The following OTULINL variants were observed in gnomAD, a reference collection of about 807,000 sequenced individuals.
OTULINL encodes the protein OTU deubiquitinase with linear linkage specificity like, also known as inactive ubiquitin thioesterase OTULINL.
OTULINL carries 42 observed loss-of-function variants against 43.9 expected under a neutral mutation model. The ratio of observed to expected loss-of-function variants is 0.96; its 90% confidence interval spans 0.75 to 1.24. The LOEUF (loss-of-function observed/expected upper bound fraction) is 1.24, where lower values mean the gene tolerates loss of function less well. OTULINL is among the 50% of genes most tolerant of loss of function. The pLI, the probability that OTULINL is intolerant of heterozygous loss-of-function variation, is 0.00. For synonymous variants in OTULINL, 172 were observed against 153.6 expected (o/e 1.12, Z -0.88); for missense variants, 411 against 426.4 (o/e 0.96, Z 0.32).
At chr5:14,604,436 AT>A (rs1281518038) in intron 5 of OTULINL, among the ~76,000 whole-genome samples, 1 of 152,154 alleles carries the variant, frequency 6.6e-6, no homozygotes, top group Non-Finnish European at 1.5e-5. Context: ...ACATCTTCAC[AT>A]TTCAAAACCA....
At chr5:14,589,053 C>T (rs1183943555) in intron 1 of OTULINL, among the ~76,000 whole-genome samples, 8 of 152,114 alleles carry the variant, frequency 5.3e-5, no homozygotes, top group African/African-American at 1.4e-4. Flanking sequence ...TGATACATTT[C>T]GTTCATTCAA....
At chr5:14,597,696 G>A (rs368719220) in intron 1 of OTULINL, among the ~76,000 whole-genome samples, 2 of 151,976 alleles carry the variant, frequency 1.3e-5, no homozygotes, top group South Asian at 2.1e-4. Context: ...ATGGCTATAC[G>A]GCCATGGCCT....
intron 1 of OTULINL, among the ~76,000 whole-genome samples, chr5:14,595,666 T>TTTG (rs1759274842): frequency 7.9e-6 from 1 of 126,360 alleles, no homozygotes; most frequent in Non-Finnish European, 1.7e-5. Context: ...TTTTTTTTTT[T>TTTG]TGTGTAGTTC....
At chr5:14,604,104 G>GTCCCAACTCCA (rs1759433302) in intron 5 of OTULINL, among the ~76,000 whole-genome samples, 2 of 152,114 alleles carry the variant, frequency 1.3e-5, no homozygotes, top group African/African-American at 2.4e-5. Flanking sequence ...GGCCAAGTTG[G>GTCCCAACTCCA]GAGTATCTCT....
At position 14,606,215 on chromosome 5, in the gene OTULINL, C is replaced by G. The variant is rs559679653; in HGVS notation, c.499-1115C>G. Among the ~76,000 whole-genome samples, 367 of 152,180 alleles carry G rather than the reference C, an allele frequency of 2.4e-3. 1 individual carries two copies. Among genetic ancestry groups the G allele is most frequent in the African/African-American group, 8.3e-3 (343 of 41,528 alleles). On this transcript the variant is annotated intron_variant, in intron 5 of 7. Coordinates refer to ENST00000274217, the MANE Select transcript of OTULINL (RefSeq NM_019018.3). ...GTTGGTGGCAGGCAAAAAGAGAGAG[C>G]CTGTGCATGGGAACGCTTCTTTTTA... is the stretch of plus-strand genomic sequence containing the variant.
rs565528644 is a variant in OTULINL, at chr5:14,613,589, T to G, written c.*3275T>G. ...TATCTCCAAAGTAAAATGATAACTA[T>G]GGGTGGCTTCTGGGCTCAATTTAGA... On this transcript the variant is annotated 3_prime_UTR_variant, in exon 8 of 8. Coordinates refer to ENST00000274217, the MANE Select transcript of OTULINL (RefSeq NM_019018.3). 2.6e-4 allele frequency among the ~76,000 whole-genome samples: 40 copies of G among 152,308 alleles called. No homozygotes were observed. Among genetic ancestry groups the G allele is most frequent in the Non-Finnish European group, 2.6e-4 (18 of 68,024 alleles).
In OTULINL at chr5:14,609,003, T is replaced by C. The variant is rs1235256158; in HGVS notation, c.883T>C (p.Cys295Arg). Residue 295 changes from cysteine (C) to arginine (R), a missense_variant, in exon 7 of 8, where the codon TGT (cysteine) becomes CGT (arginine). Cys to Arg is a radical substitution (Grantham distance 180). Coordinates refer to ENST00000274217, the MANE Select transcript of OTULINL (RefSeq NM_019018.3). ...MNHLNSVGDT[C>R]GLEQIDMFIL... ...TCACCTGAATTCTGTAGGCGACACA[T>C]GTGGACTAGAGCAGGTAACCGGGGA... 6.2e-7 allele frequency: 1 copy of C among 1,611,934 alleles called. No individual in the cohort carries two copies. The highest frequency in any genetic ancestry group is 1.7e-5 in the Admixed American group (1 of 59,870).
At chr5:14,590,188 T>C (rs1340539272) in intron 1 of OTULINL, among the ~76,000 whole-genome samples, 1 of 152,180 alleles carries the variant, frequency 6.6e-6, no homozygotes, top group East Asian at 1.9e-4. Context: ...CATCTGATGA[T>C]GTATTTGAGA....
chr5:14,583,245 C>G (rs1283945323), intron 1 of OTULINL, among the ~76,000 whole-genome samples: 1 of 152,192 alleles, frequency 6.6e-6, no homozygotes, highest in African/African-American at 2.4e-5. Context: ...ATGAGAGCCT[C>G]CAGTTAGCTG....
rs971377877 is a variant in OTULINL, at chr5:14,615,885, C to T, written c.*5571C>T. 1.1e-4 allele frequency among the ~76,000 whole-genome samples: 17 copies of T among 152,170 alleles called. No individual in the cohort carries two copies. The highest frequency in any genetic ancestry group is 3.3e-4 in the Admixed American group (5 of 15,276). On this transcript the variant is annotated 3_prime_UTR_variant, in exon 8 of 8. Coordinates refer to ENST00000274217, the MANE Select transcript of OTULINL (RefSeq NM_019018.3). ...GTATGTCTTTACAAGCAAATTGAAA[C>T]GACATGCTCTTCTTTGTACTATACA...
intron 1 of OTULINL, among the ~76,000 whole-genome samples, chr5:14,598,363 G>A (rs1406109107): frequency 1.3e-5 from 2 of 152,244 alleles, no homozygotes; most frequent in Non-Finnish European, 2.9e-5. Flanking sequence ...GGAGCCTAAA[G>A]TGAGAAATCA....
At chr5:14,591,209 G>T (rs1318137990) in intron 1 of OTULINL, among the ~76,000 whole-genome samples, 1 of 152,190 alleles carries the variant, frequency 6.6e-6, no homozygotes, top group Non-Finnish European at 1.5e-5. Flanking sequence ...GTCAGGTCCT[G>T]CCTGGGTCTA....
At chr5:14,590,782 A>G (rs771394141) in intron 1 of OTULINL, among the ~76,000 whole-genome samples, 19 of 152,148 alleles carry the variant, frequency 1.2e-4, no homozygotes, top group Non-Finnish European at 2.5e-4. Context: ...TCTGGCTAGG[A>G]TGCTACTATA....
rs144591815 is a variant in OTULINL at position 14,610,163 on chromosome 5, A to G, written c.920A>G (p.Tyr307Cys). Residue 307 changes from tyrosine (Y) to cysteine (C), a missense_variant, in exon 8 of 8, where the codon TAC becomes TGC. Coordinates refer to ENST00000274217, the MANE Select transcript of OTULINL (RefSeq NM_019018.3). ...LEQIDMFILG[Y>C]SLEVKIKVFR... ...CAGATTGATATGTTTATACTTGGAT[A>G]CTCCCTTGAAGTAAAGATAAAAGTG... 1.2e-6 allele frequency: 2 copies of G among 1,613,826 alleles called. No individual in the cohort carries two copies. The highest frequency in any genetic ancestry group is 1.7e-6 in the Non-Finnish European group (2 of 1,179,840).
At chr5:14,599,042 G>A (rs904563157) in intron 1 of OTULINL, among the ~76,000 whole-genome samples, 7 of 152,090 alleles carry the variant, frequency 4.6e-5, no homozygotes, top group African/African-American at 1.7e-4. Flanking sequence ...AGGCAATATA[G>A]CATTACATTT....
chr5:14,600,951 T>G lies in OTULINL; in HGVS notation c.65-14T>G, dbSNP rs1560964893. The G allele has an allele frequency of 6.7e-6, 7 of 1,041,204 alleles. No homozygotes were observed. Among genetic ancestry groups the G allele is most frequent in the East Asian group, 6.7e-5 (2 of 29,702 alleles). 64.5% of individuals were successfully genotyped at this position (1,041,204 alleles called of 1,614,324 possible). A position where few individuals can be genotyped will look rare whatever the true frequency, so the allele number is the denominator to read the frequency against. ...GATGTGCTTTTTTTTTTTTTTTTTT[T>G]GTAATTTTCATAGGAAGTGACCAAG... is the stretch of plus-strand genomic sequence containing the variant. On this transcript the variant is annotated splice_polypyrimidine_tract_variant and intron_variant, in intron 1 of 7. Transcript: ENST00000274217.
intron 1 of OTULINL, among the ~76,000 whole-genome samples, chr5:14,598,310 G>T (rs1447060768): frequency 1.3e-5 from 2 of 152,220 alleles, no homozygotes; most frequent in African/African-American, 4.8e-5. Context: ...GAGAAGAAGA[G>T]ATGTGAACAG....
chr5:14,596,869 G>T (rs1759296685), intron 1 of OTULINL, among the ~76,000 whole-genome samples: 1 of 152,166 alleles, frequency 6.6e-6, no homozygotes, highest in Admixed American at 6.5e-5. Flanking sequence ...ATGCAGGTCA[G>T]CCACCAGTCC....
intron 7 of OTULINL, among the ~76,000 whole-genome samples, chr5:14,609,532 A>T (rs1373147575): frequency 1.3e-5 from 2 of 152,170 alleles, no homozygotes; most frequent in African/African-American, 2.4e-5. Flanking sequence ...TGATTGAATG[A>T]TATAAAACTG....
Sources: gnomAD v4.1 joint callset for allele counts (sites outside exome capture counted in the v4.1 genomes callset) on GRCh38, gnomAD v4.1.1 for gene constraint, MANE v1.5 for transcripts, NCBI Gene and HGNC (gene_info 2026-07-23, HGNC 2026-07-21) for gene names.